Variants in TMEM232 observed in about 807,000 individuals in gnomAD.
The protein encoded by TMEM232 is transmembrane protein 232.
Under a neutral mutation model 78.8 loss-of-function variants are expected in TMEM232, and 80 were observed. The observed-to-expected ratio is 1.01, with a 90% CI of 0.85 to 1.22. The LOEUF (loss-of-function observed/expected upper bound fraction) is 1.22. Among genes scored for constraint, TMEM232 ranks in the 50% most tolerant of loss-of-function variants. The pLI is 0.00. For synonymous variants in TMEM232, 297 were observed against 254.3 expected (o/e 1.17, Z -1.60); for missense variants, 881 against 742.2 (o/e 1.19, Z -2.17).
At chr5:110,724,028 T>C (rs935012916) in intron 1 of TMEM232, among the ~76,000 whole-genome samples, 3 of 152,174 alleles carry the variant, frequency 2.0e-5, no homozygotes, top group East Asian at 1.9e-4. Flanking sequence ...AGTCAAGTTG[T>C]TGGAGACGAG....
At chr5:110,406,217 T>C (rs1755783041) in intron 2 of TMEM232, among the ~76,000 whole-genome samples, 2 of 151,148 alleles carry the variant, frequency 1.3e-5, no homozygotes, top group Non-Finnish European at 3.0e-5. Context: ...AACATTTGAA[T>C]TTTTCTTATA....
intron 11 of TMEM232, among the ~76,000 whole-genome samples, chr5:110,537,196 C>G (rs1772481559): frequency 6.6e-6 from 1 of 152,084 alleles, no homozygotes; most frequent in South Asian, 2.1e-4. Context: ...GACAACCCTC[C>G]ATCTATTCCA....
intron 1 of TMEM232, among the ~76,000 whole-genome samples, chr5:110,669,261 G>A (rs973314223): frequency 6.6e-6 from 1 of 151,824 alleles, no homozygotes; most frequent in Non-Finnish European, 1.5e-5. Context: ...AAAGAGAGAA[G>A]AATCAAATAG....
At position 110,625,371 on chromosome 5, in the gene TMEM232, T is replaced by C. The variant is rs1284046792; in HGVS notation, c.664A>G (p.Ile222Val). 45 of 1,547,904 alleles carry C rather than the reference T, an allele frequency of 2.9e-5. No individual in the cohort carries two copies. Among genetic ancestry groups the C allele is most frequent in the Non-Finnish European group, 3.7e-5 (42 of 1,144,838 alleles). The stretch of plus-strand genomic sequence containing the variant: ...CCTATAATTTCCGAGGCTTTCAGGA[T>C]GAATTGCACATTTGAAAAGATGTTT... Reference protein sequence around the residue: ...YPNIFSNVQFILKASEIIGKR... With the variant: ...YPNIFSNVQFVLKASEIIGKR... Residue 222 changes from isoleucine to valine, a missense_variant, in exon 7 of 14, where the codon ATC becomes GTC. By Grantham distance (29) the Ile-to-Val change is conservative. Coordinates refer to ENST00000455884, the MANE Select transcript of TMEM232 (RefSeq NM_001039763.4).
At chr5:110,499,400 T>C (rs1765973167) in intron 12 of TMEM232, among the ~76,000 whole-genome samples, 1 of 152,070 alleles carries the variant, frequency 6.6e-6, no homozygotes, top group South Asian at 2.1e-4. Context: ...TACAGGCACA[T>C]GCAACCATGC....
intron 12 of TMEM232, among the ~76,000 whole-genome samples, chr5:110,480,512 T>A (rs1188345554): frequency 6.6e-6 from 1 of 152,056 alleles, no homozygotes. Context: ...GTTGGTTGTT[T>A]TTTAAGAGAT....
At chr5:110,509,211 G>T (rs1311572126) in intron 12 of TMEM232, among the ~76,000 whole-genome samples, 6 of 151,536 alleles carry the variant, frequency 4.0e-5, no homozygotes, top group African/African-American at 1.5e-4. Context: ...GGGAGGACCA[G>T]TTGAGGCCAG....
chr5:110,462,003 A>G (rs1761585661), intron 12 of TMEM232, among the ~76,000 whole-genome samples: 1 of 152,224 alleles, frequency 6.6e-6, no homozygotes, highest in Admixed American at 6.5e-5. Flanking sequence ...TTAACACAAT[A>G]TCCATTCCAG....
intron 11 of TMEM232, among the ~76,000 whole-genome samples, chr5:110,560,761 GA>G (rs1311749923): frequency 6.6e-6 from 1 of 152,174 alleles, no homozygotes; most frequent in African/African-American, 2.4e-5. Context: ...ATACCAATGA[GA>G]CTGGCTGTCC....
rs1291584435 is a variant in TMEM232, at chr5:110,618,428, C to T, written c.902+1G>A. ...CTTTGGATTTATAGGATCACTCTTACCAGCATTTCTTTTGAAGCTGTGTCT... is the reference window on the plus strand; with the variant it reads ...CTTTGGATTTATAGGATCACTCTTATCAGCATTTCTTTTGAAGCTGTGTCT... On this transcript the variant is annotated splice_donor_variant, in intron 8 of 13. Transcript: ENST00000455884. LOFTEE classifies it high-confidence loss of function. 3.2e-5 allele frequency: 49 copies of T among 1,550,292 alleles called. No homozygotes were observed. Among genetic ancestry groups the T allele is most frequent in the Non-Finnish European group, 3.9e-5 (45 of 1,146,558 alleles).
At chr5:110,488,572 T>C (rs1306787064) in intron 12 of TMEM232, among the ~76,000 whole-genome samples, 1 of 152,032 alleles carries the variant, frequency 6.6e-6, no homozygotes. Context: ...AGTGTTTTTA[T>C]TTGCTAACCC....
intron 12 of TMEM232, among the ~76,000 whole-genome samples, chr5:110,523,966 A>AGGGGGG (rs1230285778): frequency 2.4e-5 from 1 of 41,230 alleles, no homozygotes; most frequent in Non-Finnish European, 4.6e-5. Flanking sequence ...AAAAAAAAAA[A>AGGGGGG]GGGGGGGGGG....
intron 10 of TMEM232, among the ~76,000 whole-genome samples, chr5:110,587,691 A>ATG (rs147127408): frequency 0.11 from 6,952 of 62,974 alleles, 490 homozygotes; most frequent in Middle Eastern, 0.15. Context: ...ATATATATAT[A>ATG]TGTGTGTGTG....
intron 8 of TMEM232, among the ~76,000 whole-genome samples, chr5:110,615,256 A>G (rs544362375): frequency 9.9e-5 from 15 of 152,082 alleles, no homozygotes; most frequent in African/African-American, 3.6e-4. Context: ...GTTGATTCTG[A>G]GGGACTTAGA....
At chr5:110,487,187 T>G (rs944940877) in intron 12 of TMEM232, among the ~76,000 whole-genome samples, 2 of 152,118 alleles carry the variant, frequency 1.3e-5, no homozygotes, top group Non-Finnish European at 2.9e-5. Flanking sequence ...CTGAATTCTT[T>G]TCTCAGTTCT....
At chr5:110,604,536 T>TAAGG (rs1334404641) in intron 10 of TMEM232, among the ~76,000 whole-genome samples, 1 of 152,048 alleles carries the variant, frequency 6.6e-6, no homozygotes, top group Non-Finnish European at 1.5e-5. Context: ...AAAATAAAAA[T>TAAGG]AAAGAGGAAA....
At chr5:110,665,907 A>AC (rs1326322075) in intron 2 of TMEM232, among the ~76,000 whole-genome samples, 9 of 151,680 alleles carry the variant, frequency 5.9e-5, no homozygotes, top group Admixed American at 3.3e-4. Flanking sequence ...AAAAAAAAAA[A>AC]AAAAACTAAA....
intron 7 of TMEM232, among the ~76,000 whole-genome samples, chr5:110,620,575 ATATCTCTCTCTC>A (rs1561399370): frequency 2.9e-4 from 19 of 65,134 alleles, no homozygotes; most frequent in Admixed American, 1.9e-4. Flanking sequence ...TATGTCTCTC[ATATCTCTCTCTC>A]TCTCTCTCTC....
At chr5:110,604,731 G>A (rs1351132606) in intron 10 of TMEM232, among the ~76,000 whole-genome samples, 1 of 152,174 alleles carries the variant, frequency 6.6e-6, no homozygotes, top group East Asian at 1.9e-4. Flanking sequence ...GGCAAACGTG[G>A]TGGATCACTT....
Sources: gnomAD v4.1 joint callset for allele counts (sites outside exome capture counted in the v4.1 genomes callset) on GRCh38, gnomAD v4.1.1 for gene constraint, MANE v1.5 for transcripts, NCBI Gene and HGNC (gene_info 2026-07-23, HGNC 2026-07-21) for gene names.